The following HCK variants were observed in gnomAD, a reference collection of about 807,000 sequenced individuals.
HCK encodes the protein tyrosine-protein kinase HCK.
A neutral mutation model predicts 70.4 loss-of-function variants in HCK; 40 were observed. That is an observed-to-expected ratio of 0.57 (90% CI 0.44 to 0.74). HCK has a LOEUF of 0.74. Ranked by LOEUF, HCK falls within the 30% of genes least tolerant of loss-of-function variation. The pLI is 0.00. For missense variants in HCK, 568 were observed against 697.2 expected (o/e 0.81, Z 2.09); for synonymous variants, 245 against 263.2 (o/e 0.93, Z 0.67).
chr20:32,062,433 C>A (rs949241510), intron 1 of HCK, among the ~76,000 whole-genome samples: 9 of 152,196 alleles, frequency 5.9e-5, no homozygotes, highest in Admixed American at 5.9e-4. Context: ...CCAAGAGTAA[C>A]ATTGAACATG....
chr20:32,083,980 G>T lies in HCK; in HGVS notation c.619G>T (p.Gly207Cys). Residue 207 changes from glycine (G) to cysteine (C), a missense_variant, in exon 7 of 13, where the codon GGC (glycine) becomes TGC (cysteine). Coordinates refer to ENST00000375852, the MANE Select transcript of HCK (RefSeq NM_002110.5). ...CAAGATCCGGACCCTGGACAACGGG[G>T]GCTTCTACATATCCCCCCGAAGCAC... The T allele has an allele frequency of 6.2e-7, 1 of 1,614,196 alleles. No individual in the cohort carries two copies. Among genetic ancestry groups the T allele is most frequent in the Non-Finnish European group, 8.5e-7 (1 of 1,180,046 alleles).
rs546287799 is a variant in HCK, at chr20:32,084,497, G to T, written c.789G>T (p.Lys263Asn). The change falls in exon 8 of 13, where the codon AAG becomes AAT. Residue 263 changes from lysine (K) to asparagine (N), a missense_variant. Physicochemically the swap from Lys to Asn is moderately conservative, Grantham distance 94. Coordinates refer to ENST00000375852, the MANE Select transcript of HCK (RefSeq NM_002110.5). Reference sequence around the variant, plus strand: ...GGGAGATCCCTCGGGAATCCCTCAAGCTGGAGAAGAAACTTGGAGCTGGGC... The same window carrying T: ...GGGAGATCCCTCGGGAATCCCTCAATCTGGAGAAGAAACTTGGAGCTGGGC... 2.4e-5 allele frequency: 39 copies of T among 1,614,140 alleles called. 1 individual carries two copies. In the South Asian group the frequency reaches 4.3e-4, roughly 18 times the overall value.
At chr20:32,052,804 T>A (rs1174019286) in intron 1 of HCK, among the ~76,000 whole-genome samples, 2 of 121,708 alleles carry the variant, frequency 1.6e-5, no homozygotes, top group Non-Finnish European at 3.7e-5. Flanking sequence ...GGGATTTTTT[T>A]TTTAATTTAA....
chr20:32,079,466 A>G (rs1218742099), intron 5 of HCK, among the ~76,000 whole-genome samples: 4 of 152,128 alleles, frequency 2.6e-5, no homozygotes, highest in African/African-American at 9.7e-5. Context: ...GAAATGACCT[A>G]TCAGCTTTTT....
intron 1 of HCK, among the ~76,000 whole-genome samples, chr20:32,069,024 T>C (rs1329762415): frequency 2.0e-5 from 3 of 152,232 alleles, no homozygotes; most frequent in Non-Finnish European, 4.4e-5. Flanking sequence ...TTCTCCAGTG[T>C]TGCAGTATCT....
chr20:32,080,046 C>T (rs891909241), intron 6 of HCK, among the ~76,000 whole-genome samples, 169 bp downstream of exon 6: 3 of 152,204 alleles, frequency 2.0e-5, no homozygotes, highest in East Asian at 1.9e-4. Flanking sequence ...AGGGTTGAGG[C>T]TCTGTGCCTG....
chr20:32,068,113 G>A (rs555311023), intron 1 of HCK, among the ~76,000 whole-genome samples: 54 of 151,690 alleles, frequency 3.6e-4, no homozygotes, highest in South Asian at 2.3e-3. Context: ...CCTGACCAAC[G>A]TGGTGAAACC....
intron 10 of HCK, among the ~76,000 whole-genome samples, chr20:32,090,148 G>A (rs554506667): frequency 6.6e-6 from 1 of 152,256 alleles, no homozygotes; most frequent in Non-Finnish European, 1.5e-5. Flanking sequence ...TCCTCTGGGA[G>A]ACAATAGACT....
intron 1 of HCK, among the ~76,000 whole-genome samples, chr20:32,065,712 T>A (rs1032221723): frequency 6.6e-6 from 1 of 152,154 alleles, no homozygotes; most frequent in South Asian, 2.1e-4. Flanking sequence ...CCAATCTCTG[T>A]AGCCAGGGGG....
intron 1 of HCK, chr20:32,069,659 G>A (rs2045509648): frequency 3.8e-6 from 2 of 528,120 alleles, no homozygotes; most frequent in Non-Finnish European, 3.4e-6. Flanking sequence ...CCAAGAGTCT[G>A]AATGTGTTCC....
Position 32,101,401 on chromosome 20 carries a change from A to T in HCK, c.1463A>T (p.Asn488Ile). The change falls in exon 13 of 13, where the codon AAC becomes ATC. Residue 488 changes from asparagine to isoleucine, a missense_variant. By Grantham distance (149) the Asn-to-Ile change is moderately radical (BLOSUM62 -3). Around this residue, in one of 4 missense-constraint regions of HCK, gnomAD observed 77 missense variants for 85.0 expected, o/e 0.91. Transcript: ENST00000375852. ...GAGAACTGCCCAGAGGAGCTCTACA[A>T]CATCATGATGCGCTGCTGGAAAAAC... 1 of 1,614,184 alleles carries T rather than the reference A, an allele frequency of 6.2e-7. No homozygotes were observed. Among genetic ancestry groups the T allele is most frequent in the Non-Finnish European group, 8.5e-7 (1 of 1,180,016 alleles).
intron 1 of HCK, chr20:32,069,878 A>C: frequency 1.6e-6 from 1 of 609,356 alleles, no homozygotes; most frequent in Non-Finnish European, 2.4e-6. Flanking sequence ...AGTATAACTG[A>C]GTTCTAACTG....
rs149806714 is a variant in HCK at position 32,085,978 on chromosome 20, C to A, written c.836-650C>A. 1.5e-4 allele frequency among the ~76,000 whole-genome samples: 23 copies of A among 152,126 alleles called. No homozygotes were observed. In the East Asian group the frequency reaches 3.7e-3, roughly 24 times the overall value. On this transcript the variant is annotated intron_variant, in intron 8 of 12. Transcript: ENST00000375852. ...TGGGCGGTGTATGTGTGTGACATAA[C>A]CTGAGTAGTGTTTTAAAGCTATTTT...
Position 32,101,532 on chromosome 20 carries a change from G to A in HCK, c.*13G>A. The A allele has an allele frequency of 6.2e-7, 1 of 1,607,510 alleles. No individual in the cohort carries two copies. On this transcript the variant is annotated 3_prime_UTR_variant, in exon 13 of 13. Transcript: ENST00000375852. The stretch of plus-strand genomic sequence containing the variant: ...ACAGCAGCCATGATAGGGAGGACCA[G>A]GGCAGGGCCAGGGGGTGCCCAGGTG...
chr20:32,094,313 G>A (rs1055557548), intron 11 of HCK, among the ~76,000 whole-genome samples: 1 of 152,122 alleles, frequency 6.6e-6, no homozygotes, highest in African/African-American at 2.4e-5. Context: ...AAAATGGGGA[G>A]GGTATCCAAA....
intron 6 of HCK, among the ~76,000 whole-genome samples, chr20:32,081,953 A>G (rs2122568105): frequency 6.6e-6 from 1 of 152,340 alleles, no homozygotes; most frequent in South Asian, 2.1e-4. Flanking sequence ...AAGTTGCAGC[A>G]TGAGACCTGT....
intron 1 of HCK, 81 bp from the exon 2 acceptor site, chr20:32,071,581 G>A: frequency 6.4e-7 from 1 of 1,559,634 alleles, no homozygotes; most frequent in Non-Finnish European, 8.7e-7. Context: ...GGGGGCAGGG[G>A]ACCTGGAATG....
chr20:32,078,311 C>T (rs1390865141), intron 5 of HCK, among the ~76,000 whole-genome samples: 3 of 151,484 alleles, frequency 2.0e-5, no homozygotes, highest in Admixed American at 6.6e-5. Flanking sequence ...TCCCAAAGTG[C>T]TGGGATTACA....
chr20:32,099,284 C>G, intron 12 of HCK, 149 bp downstream of exon 12: 1 of 758,814 alleles, frequency 1.3e-6, no homozygotes, highest in East Asian at 2.6e-5. Flanking sequence ...CACCTCCATC[C>G]ATCTAATGTC....
Sources: allele counts gnomAD v4.1 joint callset (sites outside exome capture counted in the v4.1 genomes callset), GRCh38; gene constraint gnomAD v4.1.1; regional missense constraint gnomAD v4.1.1; transcripts MANE v1.5; gene names NCBI Gene and HGNC (gene_info 2026-07-23, HGNC 2026-07-21).